Variants in C1QTNF3 observed in about 807,000 individuals in gnomAD.
C1QTNF3 encodes the protein complement C1q tumor necrosis factor-related protein 3.
C1QTNF3 carries 26 observed loss-of-function variants against 32.6 expected under a neutral mutation model. The observed-to-expected ratio is 0.80, with a 90% CI of 0.58 to 1.11. C1QTNF3 has a LOEUF of 1.11. C1QTNF3 is among the 50% of genes least tolerant of loss of function. The pLI, the probability that C1QTNF3 is intolerant of heterozygous loss-of-function variation, is 0.00. For missense variants in C1QTNF3, 362 were observed against 398.2 expected, an observed-to-expected ratio of 0.91 and a Z score of 0.77; for synonymous variants, 155 against 146.0, an observed-to-expected ratio of 1.06 and a Z score of -0.44.
chr5:34,035,671 G>A lies in C1QTNF3; in HGVS notation c.391C>T (p.Pro131Ser). ...CCTGGAATGCCAGGAGGGCCCGGTG[G>A]CCCAGGGGGGCCTTGGTAGCCTCGA... ...SFRGYQGPPG[P>S]PGPPGIPGNH... Residue 131 changes from proline to serine, a missense_variant, in exon 2 of 6, where the codon CCA becomes TCA. Transcript: ENST00000382065. 6.2e-7 allele frequency: 1 copy of A among 1,610,694 alleles called. No homozygotes were observed. Among genetic ancestry groups the A allele is most frequent in the Non-Finnish European group, 8.5e-7 (1 of 1,178,888 alleles).
chr5:34,150,257 G>T, the C1QTNF3 span, among the ~76,000 whole-genome samples: 1 of 80,980 alleles, frequency 1.2e-5, no homozygotes, highest in African/African-American at 5.9e-5. Context: ...CATTAATAAT[G>T]GGAGACTTTA....
chr5:34,069,513 A>G, the C1QTNF3 span, among the ~76,000 whole-genome samples: 180 of 152,308 alleles, frequency 1.2e-3, no homozygotes, highest in Middle Eastern at 6.8e-3. Flanking sequence ...ATGAATGGCT[A>G]TAGAGAGAAA....
chr5:34,046,862 G>A (rs1246910596), upstream of C1QTNF3, among the ~76,000 whole-genome samples: 10 of 152,080 alleles, frequency 6.6e-5, no homozygotes, highest in Non-Finnish European at 7.4e-5. Flanking sequence ...TAAGTTCATG[G>A]GCAGTAAGTA....
chr5:34,200,824 G>A, the C1QTNF3 span: 1 of 152,048 alleles, frequency 6.6e-6, no homozygotes, highest in South Asian at 2.1e-4. Context: ...TGTCTACCTG[G>A]AAGTGTTTTC....
At chr5:34,054,041 G>A in the C1QTNF3 span, among the ~76,000 whole-genome samples, 2 of 152,174 alleles carry the variant, frequency 1.3e-5, no homozygotes, top group African/African-American at 2.4e-5. Flanking sequence ...AAGACCTGGC[G>A]TTGGGTCTCA....
chr5:34,065,566 C>G, the C1QTNF3 span, among the ~76,000 whole-genome samples: 3 of 152,094 alleles, frequency 2.0e-5, no homozygotes, highest in African/African-American at 7.2e-5. Flanking sequence ...ACTAGGGAGA[C>G]TGAGGCAGGA....
At chr5:34,038,076 A>G (rs1044438506) in intron 1 of C1QTNF3, among the ~76,000 whole-genome samples, 5 of 152,228 alleles carry the variant, frequency 3.3e-5, no homozygotes, top group Non-Finnish European at 5.9e-5. Flanking sequence ...CAGAATTTCC[A>G]TCATGGTGCT....
the C1QTNF3 span, among the ~76,000 whole-genome samples, chr5:34,073,706 T>C: frequency 1.9e-3 from 292 of 152,256 alleles, 2 homozygotes; most frequent in African/African-American, 7.0e-3. Context: ...TTTTATTCTC[T>C]AGCTCCCCAA....
At chr5:34,213,581 T>C in the C1QTNF3 span, among the ~76,000 whole-genome samples, 1 of 150,726 alleles carries the variant, frequency 6.6e-6, no homozygotes, top group South Asian at 2.1e-4. Flanking sequence ...ATACAGTTTG[T>C]AACCTGCAAG....
rs1198156603 is a variant in C1QTNF3, at chr5:34,029,384, C to T, written c.571-501G>A. On this transcript the variant is annotated intron_variant, in intron 3 of 5. Coordinates refer to ENST00000382065, the MANE Select transcript of C1QTNF3 (RefSeq NM_181435.6). ...CAAACTCCTAGGCTCAAGAGATCCA[C>T]CTTCCTCGGCCTCCCAAAGTGCTGG... is the stretch of plus-strand genomic sequence containing the variant. Among the ~76,000 whole-genome samples, 3 of 152,208 alleles carry T rather than the reference C, an allele frequency of 2.0e-5. No individual in the cohort carries two copies. In the East Asian group the frequency reaches 5.8e-4, roughly 29 times the overall value.
chr5:34,028,686 C>T, intron 4 of C1QTNF3, 68 bp downstream of exon 4: 8 of 1,355,470 alleles, frequency 5.9e-6, no homozygotes, highest in East Asian at 2.6e-5. Context: ...CTCTTCTTTC[C>T]TTCCTTCCTT....
At chr5:34,055,852 C>T in the C1QTNF3 span, among the ~76,000 whole-genome samples, 8 of 152,242 alleles carry the variant, frequency 5.3e-5, no homozygotes, top group African/African-American at 1.9e-4. Flanking sequence ...CTGCATACAT[C>T]TGTCTTCAGC....
chr5:34,116,635 C>T, the C1QTNF3 span, among the ~76,000 whole-genome samples: 3 of 150,678 alleles, frequency 2.0e-5, no homozygotes, highest in Non-Finnish European at 4.4e-5. Flanking sequence ...TGCTTTGTCA[C>T]CTAGGCTGGA....
chr5:34,145,720 A>C, the C1QTNF3 span, among the ~76,000 whole-genome samples: 1 of 151,346 alleles, frequency 6.6e-6, no homozygotes, highest in Non-Finnish European at 1.5e-5. Context: ...ACTTCCCGCC[A>C]GTATCCCTGA....
the C1QTNF3 span, among the ~76,000 whole-genome samples, chr5:34,178,206 G>A: frequency 4.6e-5 from 7 of 151,732 alleles, no homozygotes; most frequent in African/African-American, 7.3e-5. Context: ...GCTTGAACCT[G>A]GGAGGCGGAG....
At chr5:34,091,293 C>T in the C1QTNF3 span, among the ~76,000 whole-genome samples, 2 of 152,264 alleles carry the variant, frequency 1.3e-5, no homozygotes, top group Non-Finnish European at 2.9e-5. Flanking sequence ...TTGTCATCAG[C>T]TTCGAGCTCT....
chr5:34,065,896 G>A, the C1QTNF3 span, among the ~76,000 whole-genome samples: 1 of 152,112 alleles, frequency 6.6e-6, no homozygotes, highest in South Asian at 2.1e-4. Flanking sequence ...TCATTGTTGT[G>A]CTGTTCACAA....
Position 34,023,974 on chromosome 5 carries a change from A to G in C1QTNF3, c.735T>C (p.His245=). The G allele has an allele frequency of 1.2e-6, 2 of 1,613,230 alleles. No homozygotes were observed. The highest frequency in any genetic ancestry group is 1.1e-5 in the South Asian group (1 of 91,068). ...VYFFTFSMMK[H]EDVEEVYVYL... is the part of the protein sequence containing the mutation. Reference sequence around the variant, plus strand: ...ACACATACACTTCCTCAACATCCTCATGCTTCATCATGCTGAAGGTGAAGA... The same window carrying G: ...ACACATACACTTCCTCAACATCCTCGTGCTTCATCATGCTGAAGGTGAAGA... The change falls in exon 5 of 6, where the codon CAT becomes CAC. Residue 245 remains histidine (H), a synonymous_variant. Transcript: ENST00000382065.
chr5:34,202,349 CT>C, the C1QTNF3 span, among the ~76,000 whole-genome samples: 1 of 151,700 alleles, frequency 6.6e-6, no homozygotes, highest in Non-Finnish European at 1.5e-5. Context: ...TCCCACAATA[CT>C]TTTTCTCTTC....
Sources: gnomAD v4.1 joint callset for allele counts (sites outside exome capture counted in the v4.1 genomes callset) on GRCh38, gnomAD v4.1.1 for gene constraint, MANE v1.5 for transcripts, NCBI Gene and HGNC (gene_info 2026-07-23, HGNC 2026-07-21) for gene names.